Variants in SLCO1B1 observed in about 807,000 individuals in gnomAD.
The protein encoded by SLCO1B1 is OATP-2.
Under a neutral mutation model 70.1 loss-of-function variants are expected in SLCO1B1, and 81 were observed. That is an observed-to-expected ratio of 1.16 (90% CI 0.97 to 1.39). The LOEUF (loss-of-function observed/expected upper bound fraction) is 1.39. Among genes scored for constraint, SLCO1B1 ranks in the 40% most tolerant of loss-of-function variants. The pLI is 0.00. For missense variants in SLCO1B1, 895 were observed against 799.6 expected, an observed-to-expected ratio of 1.12 and a Z score of -1.44; for synonymous variants, 283 against 271.5, an observed-to-expected ratio of 1.04 and a Z score of -0.42.
chr12:21,137,347 C>G (rs932014404), intron 1 of SLCO1B1, among the ~76,000 whole-genome samples: 2 of 152,134 alleles, frequency 1.3e-5, no homozygotes, highest in Non-Finnish European at 2.9e-5. Context: ...AACCACTGCT[C>G]TCTTCAAAGC....
chr12:21,195,788 AG>A (rs1213190326), intron 7 of SLCO1B1, among the ~76,000 whole-genome samples: 7 of 152,198 alleles, frequency 4.6e-5, no homozygotes, highest in African/African-American at 1.7e-4. Flanking sequence ...TATTTTCCGT[AG>A]CCTCCAAAGG....
chr12:21,141,167 C>G (rs1335972247), intron 1 of SLCO1B1, among the ~76,000 whole-genome samples: 1 of 151,770 alleles, frequency 6.6e-6, no homozygotes, highest in African/African-American at 2.4e-5. Context: ...CATATATTTG[C>G]TTTTATAAAT....
At chr12:21,214,156 A>G in intron 11 of SLCO1B1, among the ~76,000 whole-genome samples, 1 of 151,746 alleles carries the variant, frequency 6.6e-6, no homozygotes, top group East Asian at 1.9e-4. Context: ...TATAGTTTCC[A>G]GTTTTTCTGT....
In SLCO1B1 at chr12:21,147,130, T is replaced by C. The variant is rs77151898; in HGVS notation, c.84+5472T>C. 2.3e-3 allele frequency among the ~76,000 whole-genome samples: 336 copies of C among 148,684 alleles called. 3 individuals carry two copies. The highest frequency in any genetic ancestry group is 7.6e-3 in the African/African-American group (313 of 41,418). On this transcript the variant is annotated intron_variant, in intron 2 of 14. Transcript: ENST00000256958. The stretch of plus-strand genomic sequence containing the variant: ...GGTGCCTCTATGTTAAGAAGTGTTA[T>C]GTTTTCTTAAGAATTGACCCCTTTA...
intron 1 of SLCO1B1, among the ~76,000 whole-genome samples, chr12:21,141,005 T>C (rs1940300414): frequency 6.6e-6 from 1 of 151,956 alleles, no homozygotes; most frequent in Admixed American, 6.6e-5. Context: ...CCAAATTCTG[T>C]TTGCTTTTTG....
intron 3 of SLCO1B1, among the ~76,000 whole-genome samples, chr12:21,173,662 A>G (rs1940782941): frequency 6.6e-6 from 1 of 150,906 alleles, no homozygotes; most frequent in Non-Finnish European, 1.5e-5. Flanking sequence ...TGGTGCTTTT[A>G]TTCCAAATTA....
rs750383873 is a variant in SLCO1B1, at chr12:21,178,974, ATC to A, written c.685_686del (p.Leu229ValfsTer3). On this transcript the variant is annotated frameshift_variant, in exon 7 of 15. Coordinates refer to ENST00000256958, the MANE Select transcript of SLCO1B1 (RefSeq NM_006446.5). LOFTEE classifies it high-confidence loss of function. ...IGPIIGFTLG[S>X]LFSKMYVDIG... is the part of the protein sequence containing the mutation. Reference sequence around the variant, plus strand: ...GTCCAATCATTGGCTTTACCCTGGGATCTCTGTTTTCTAAAATGTACGTGGAT... The same window carrying A: ...GTCCAATCATTGGCTTTACCCTGGGATCTGTTTTCTAAAATGTACGTGGAT... The A allele has an allele frequency of 1.9e-6, 3 of 1,611,976 alleles. No homozygotes were observed. Among genetic ancestry groups the A allele is most frequent in the African/African-American group, 1.3e-5 (1 of 74,830 alleles).
chr12:21,155,254 T>G (rs1353219743), intron 2 of SLCO1B1, among the ~76,000 whole-genome samples: 2 of 151,962 alleles, frequency 1.3e-5, no homozygotes, highest in Non-Finnish European at 2.9e-5. Context: ...ATCTTAACCT[T>G]TTACCTATAT....
chr12:21,156,402 T>C (rs1294660662), intron 2 of SLCO1B1, among the ~76,000 whole-genome samples: 3 of 152,142 alleles, frequency 2.0e-5, no homozygotes, highest in South Asian at 2.1e-4. Context: ...ACTGCTAGGA[T>C]ATCACAAAAG....
intron 11 of SLCO1B1, among the ~76,000 whole-genome samples, chr12:21,212,777 G>A: frequency 6.8e-6 from 1 of 148,146 alleles, no homozygotes; most frequent in Non-Finnish European, 1.5e-5. Flanking sequence ...ATTTAGGATA[G>A]TTAGCTCTTC....
At chr12:21,134,275 G>C (rs189855792) in intron 1 of SLCO1B1, among the ~76,000 whole-genome samples, 369 of 152,304 alleles carry the variant, frequency 2.4e-3, no homozygotes, top group Admixed American at 3.3e-3. Flanking sequence ...GTTCATCAAG[G>C]ATATTGGTCT....
intron 1 of SLCO1B1, among the ~76,000 whole-genome samples, chr12:21,131,974 C>T (rs912869053): frequency 1.3e-5 from 2 of 152,198 alleles, no homozygotes; most frequent in Non-Finnish European, 2.9e-5. Flanking sequence ...TCTCCTAATG[C>T]TATCCCTCCC....
intron 2 of SLCO1B1, 34 bp from the exon 3 acceptor site, chr12:21,172,616 A>T: frequency 6.2e-7 from 1 of 1,612,196 alleles, no homozygotes; most frequent in South Asian, 1.1e-5. Flanking sequence ...CCTTCGATTA[A>T]CCATTTTCCC....
At chr12:21,227,855 T>A (rs115108625) in intron 14 of SLCO1B1, among the ~76,000 whole-genome samples, 2,505 of 152,210 alleles carry the variant, frequency 0.016, 64 homozygotes, top group African/African-American at 0.057. Flanking sequence ...GAAGGTTTAG[T>A]TAGAACTAAA....
intron 14 of SLCO1B1, among the ~76,000 whole-genome samples, chr12:21,225,309 C>T (rs773722291): frequency 4.8e-4 from 73 of 151,746 alleles, no homozygotes; most frequent in Non-Finnish European, 7.7e-4. Context: ...TAAGAAAAAA[C>T]GGGAAAATAT....
chr12:21,235,295 T>C (rs972480856), intron 14 of SLCO1B1, among the ~76,000 whole-genome samples: 4 of 151,860 alleles, frequency 2.6e-5, no homozygotes, highest in Admixed American at 1.3e-4. Flanking sequence ...CATTATGTAA[T>C]GCACTTACTT....
intron 13 of SLCO1B1, among the ~76,000 whole-genome samples, chr12:21,223,341 G>A (rs901638424): frequency 4.6e-5 from 7 of 151,982 alleles, no homozygotes; most frequent in Non-Finnish European, 8.8e-5. Flanking sequence ...TACAATAAAC[G>A]TGTAAATTGT....
rs1245141661 is a variant in SLCO1B1 at position 21,209,551 on chromosome 12, T to C, written c.1497+3518T>C. 2.6e-5 allele frequency among the ~76,000 whole-genome samples: 4 copies of C among 152,322 alleles called. No homozygotes were observed. In the East Asian group the frequency reaches 7.7e-4, roughly 29 times the overall value. On this transcript the variant is annotated intron_variant, in intron 11 of 14. Coordinates refer to ENST00000256958, the MANE Select transcript of SLCO1B1 (RefSeq NM_006446.5). ...CATGTGTCTTTATAGCAGCATGATT[T>C]ACAGTCATTTGGGTATATACCCAGT... is the stretch of plus-strand genomic sequence containing the variant.
chr12:21,205,758 C>A, intron 10 of SLCO1B1, 110 bp from the exon 11 acceptor site: 1 of 678,934 alleles, frequency 1.5e-6, no homozygotes, highest in Non-Finnish European at 2.2e-6. Context: ...TCTTTATCTA[C>A]TTTTTTTCCC....
Sources: gnomAD v4.1 joint callset for allele counts (sites outside exome capture counted in the v4.1 genomes callset) on GRCh38, gnomAD v4.1.1 for gene constraint, MANE v1.5 for transcripts, NCBI Gene and HGNC (gene_info 2026-07-23, HGNC 2026-07-21) for gene names.